GLRX: variants seen among roughly 807,000 people sequenced by gnomAD.
The protein encoded by GLRX is glutaredoxin-1.
A neutral mutation model predicts 11.1 loss-of-function variants in GLRX; 9 were observed. The observed-to-expected ratio is 0.81, with a 90% CI of 0.49 to 1.42. The LOEUF is 1.42. Ranked by LOEUF, GLRX falls within the 40% of genes most tolerant of loss-of-function variation. The pLI, the probability that GLRX is intolerant of heterozygous loss-of-function variation, is 0.00. For synonymous variants in GLRX, 49 were observed against 49.5 expected (o/e 0.99, Z 0.04); for missense variants, 102 against 126.2 (o/e 0.81, Z 0.92).
chr5:95,814,221 C>A lies in GLRX; in HGVS notation c.*175G>T, dbSNP rs967872363. ...CTAAATAAAATAAATACACAGTGTT[C>A]AGGATTATCTGGATAGCCATCTTAA... is the stretch of plus-strand genomic sequence containing the variant. On this transcript the variant is annotated 3_prime_UTR_variant, in exon 3 of 3. Coordinates refer to ENST00000237858, the MANE Select transcript of GLRX (RefSeq NM_001118890.2). The A allele has an allele frequency of 6.6e-6, 1 of 152,626 alleles. No homozygotes were observed. The highest frequency in any genetic ancestry group is 1.5e-5 in the Non-Finnish European group (1 of 68,036). 9.5% of individuals were successfully genotyped at this position (152,626 alleles called of 1,614,324 possible).
intron 1 of GLRX, among the ~76,000 whole-genome samples, chr5:95,819,913 A>C (rs28926201): frequency 6.6e-6 from 1 of 150,902 alleles, no homozygotes; most frequent in African/African-American, 2.4e-5. Context: ...AAAAAAAAAA[A>C]AAAAAAAAAC....
intron 1 of GLRX, among the ~76,000 whole-genome samples, chr5:95,819,681 C>G (rs540719972): frequency 1.3e-5 from 2 of 151,854 alleles, no homozygotes; most frequent in Non-Finnish European, 2.9e-5. Context: ...GGGTGGATCA[C>G]GAGGTCAGGA....
In GLRX at chr5:95,822,519, G is replaced by A. The variant is rs1747282242; in HGVS notation, c.144C>T (p.Ile48=). 2 of 1,613,834 alleles carry A rather than the reference G, an allele frequency of 1.2e-6. No individual in the cohort carries two copies. Among genetic ancestry groups the A allele is most frequent in the South Asian group, 2.2e-5 (2 of 91,070 alleles). ...IKQGLLEFVD[I]TATNHTNEIQ... Reference sequence around the variant, plus strand: ...TCTCGTTAGTGTGGTTGGTGGCTGTGATATCGACAAATTCCAGAAGCCCTT... The same window carrying A: ...TCTCGTTAGTGTGGTTGGTGGCTGTAATATCGACAAATTCCAGAAGCCCTT... Residue 48 remains isoleucine (I), a synonymous_variant, in exon 1 of 3, where the codon ATC becomes ATT. Transcript: ENST00000237858.
intron 1 of GLRX, chr5:95,817,850 T>G (rs1360245447): frequency 1.3e-5 from 2 of 152,168 alleles, no homozygotes; most frequent in African/African-American, 4.8e-5. Flanking sequence ...TTTCAAAGCT[T>G]TGGGCTTTCC....
At chr5:95,816,085 G>A (rs907991775) in intron 2 of GLRX, among the ~76,000 whole-genome samples, 1 of 152,086 alleles carries the variant, frequency 6.6e-6, no homozygotes, top group Admixed American at 6.6e-5. Context: ...TGTTAACCAG[G>A]TCTCAGCTCA....
At chr5:95,819,137 ATTTG>A (rs1747120975) in intron 1 of GLRX, 3 of 152,184 alleles carry the variant, frequency 2.0e-5, no homozygotes, top group Admixed American at 2.0e-4. Flanking sequence ...TTATTACTGT[ATTTG>A]TTTGTCTCCC....
rs570191522 is a variant in GLRX at position 95,815,632 on chromosome 5, C to T, written c.*6+875G>A. On this transcript the variant is annotated intron_variant, in intron 2 of 2. Transcript: ENST00000237858. ...ATTGGCCTGCTTGGGAGCTAGCTAG[C>T]GCTAGCTGTGCTGGGGAACTGGGGG... Among the ~76,000 whole-genome samples, 9 of 152,314 alleles carry T rather than the reference C, an allele frequency of 5.9e-5. No homozygotes were observed. In the South Asian group the frequency reaches 6.2e-4, roughly 11 times the overall value.
chr5:95,819,715 C>T (rs1335059913), intron 1 of GLRX, among the ~76,000 whole-genome samples: 1 of 151,850 alleles, frequency 6.6e-6, no homozygotes, highest in Non-Finnish European at 1.5e-5. Flanking sequence ...CTGGCTAACA[C>T]AGTGAAAACC....
intron 1 of GLRX, 105 bp downstream of exon 1, chr5:95,822,351 A>T: frequency 1.5e-6 from 1 of 667,382 alleles, no homozygotes; most frequent in Non-Finnish European, 2.6e-6. Context: ...AGCCCTCTGG[A>T]CGCCTTGAAG....
chr5:95,817,616 C>T (rs1747053850), intron 1 of GLRX: 1 of 152,274 alleles, frequency 6.6e-6, no homozygotes, highest in Non-Finnish European at 1.5e-5. Flanking sequence ...TAGGAGCAGA[C>T]ACATTCCAGA....
At chr5:95,815,687 C>T (rs1232270200) in intron 2 of GLRX, among the ~76,000 whole-genome samples, 2 of 152,208 alleles carry the variant, frequency 1.3e-5, no homozygotes, top group African/African-American at 4.8e-5. Context: ...AAAACCATCA[C>T]GGTTCCCTTC....
intron 1 of GLRX, chr5:95,822,252 C>G (rs1262155580): frequency 6.7e-6 from 4 of 597,198 alleles, no homozygotes; most frequent in African/African-American, 1.9e-5. Context: ...TCTTCTGCCC[C>G]GTGAAGACCT....
Position 95,822,464 on chromosome 5 carries a change from C to T in GLRX, c.199G>A (p.Ala67Thr). ...IQDYLQQLTG[A>T]RTVPRVFIGK... The stretch of plus-strand genomic sequence containing the variant: ...TTTAAAATGAAACTCACCGTTCTTG[C>T]TCCCGTGAGCTGTTGCAAATAATCT... Residue 67 changes from alanine (A) to threonine (T), a missense_variant, in exon 1 of 3, where the codon GCA becomes ACA. By Grantham distance (58) the Ala-to-Thr change is moderately conservative. Coordinates refer to ENST00000237858, the MANE Select transcript of GLRX (RefSeq NM_001118890.2). 3.1e-6 allele frequency: 5 copies of T among 1,612,888 alleles called. No individual in the cohort carries two copies. Among genetic ancestry groups the T allele is most frequent in the Non-Finnish European group, 4.2e-6 (5 of 1,178,872 alleles).
chr5:95,816,745 A>T (rs1020933769), intron 1 of GLRX, 119 bp from the exon 2 acceptor site: 2 of 650,866 alleles, frequency 3.1e-6, no homozygotes, highest in African/African-American at 3.6e-5. Context: ...AAACCTCCTT[A>T]TGTATATGCT....
rs185704998 is a variant in GLRX, at chr5:95,822,306, C to T, written c.207+150G>A. ...CTCATTCAAGTGACCGAGATCCTCT[C>T]TAAGGCGCCCTCCCCCACACCCCCC... On this transcript the variant is annotated intron_variant, in intron 1 of 2. Transcript: ENST00000237858. 9.3e-4 allele frequency: 595 copies of T among 640,604 alleles called. 16 individuals are homozygous for T. In the East Asian group the frequency reaches 0.016, roughly 17 times the overall value. The allele number at this position is 640,604 out of a possible 1,614,324, so 39.7% of individuals were successfully genotyped here.
intron 1 of GLRX, chr5:95,819,241 G>C (rs1481826321): frequency 6.6e-6 from 1 of 152,028 alleles, no homozygotes; most frequent in Non-Finnish European, 1.5e-5. Context: ...AAAAGTGTCT[G>C]GTACATAGTA....
chr5:95,822,705 G>A lies in GLRX; in HGVS notation c.-43C>T, dbSNP rs961616874. ...TCCCCGGGAAGAATCCTCAGTTGCA[G>A]GTATTGCTTGGGGTATTGAGCCCCG... On this transcript the variant is annotated 5_prime_UTR_variant, in exon 1 of 3. Transcript: ENST00000237858. 13 of 1,539,896 alleles carry A rather than the reference G, an allele frequency of 8.4e-6. No homozygotes were observed. The African/African-American group carries it at 1.4e-4, about 16-fold the overall frequency.
At chr5:95,816,466 G>T in intron 2 of GLRX, 41 bp downstream of exon 2, 1 of 921,418 alleles carries the variant, frequency 1.1e-6, no homozygotes. Context: ...GAATTCCACG[G>T]TCTCCCATGT....
At chr5:95,819,225 G>A (rs1166508385) in intron 1 of GLRX, 1 of 152,114 alleles carries the variant, frequency 6.6e-6, no homozygotes, top group Non-Finnish European at 1.5e-5. Context: ...TTTCCCCAAT[G>A]TACATAAAAG....
Sources: allele counts gnomAD v4.1 joint callset (sites outside exome capture counted in the v4.1 genomes callset), GRCh38; gene constraint gnomAD v4.1.1; transcripts MANE v1.5; gene names NCBI Gene and HGNC (gene_info 2026-07-23, HGNC 2026-07-21).